The following CNTN3 variants were observed in gnomAD, a reference collection of about 807,000 sequenced individuals.
CNTN3 encodes the protein contactin-3.
In CNTN3, 60 loss-of-function variants were observed where a neutral mutation model predicts 119.1. The observed-to-expected ratio is 0.50, with a 90% confidence interval of 0.41 to 0.62. The LOEUF is 0.62. Among genes scored for constraint, CNTN3 ranks in the 20% least tolerant of loss-of-function variants. The probability of loss-of-function intolerance (pLI) is 0.00; values close to 1 mark genes in which losing one functional copy is unlikely to be tolerated. For missense variants in CNTN3, 1,101 were observed against 1,242.4 expected (o/e 0.89, Z 1.71); for synonymous variants, 450 against 438.7 (o/e 1.03, Z -0.32).
At chr3:74,566,729 A>C (rs1704231366) in intron 1 of CNTN3, among the ~76,000 whole-genome samples, 1 of 152,200 alleles carries the variant, frequency 6.6e-6, no homozygotes, top group Non-Finnish European at 1.5e-5. Context: ...ATAAGGTAAC[A>C]ATCACAGGTA....
intron 1 of CNTN3, among the ~76,000 whole-genome samples, chr3:74,561,961 A>T (rs578118709): frequency 6.6e-6 from 1 of 152,276 alleles, no homozygotes; most frequent in African/African-American, 2.4e-5. Flanking sequence ...GAAAGGTTGC[A>T]TTGGATTTAG....
intron 1 of CNTN3, among the ~76,000 whole-genome samples, chr3:74,596,613 C>T (rs967835772): frequency 6.6e-6 from 1 of 152,034 alleles, no homozygotes; most frequent in African/African-American, 2.4e-5. Flanking sequence ...ATAAATGGTG[C>T]TGGGAAAACT....
chr3:74,518,328 A>G (rs1703485427), intron 2 of CNTN3, among the ~76,000 whole-genome samples: 1 of 151,974 alleles, frequency 6.6e-6, no homozygotes, highest in Admixed American at 6.6e-5. Flanking sequence ...AAGCAATTCA[A>G]GATTTAGTCT....
In CNTN3 at chr3:74,614,499, G is replaced by A. The variant is rs1184597527; in HGVS notation, c.-189C>T. Among the ~76,000 whole-genome samples, 50 of 145,314 alleles carry A rather than the reference G, an allele frequency of 3.4e-4. No individual in the cohort carries two copies. In the East Asian group the frequency reaches 9.1e-3, roughly 26 times the overall value. On this transcript the variant is annotated 5_prime_UTR_variant, in exon 1 of 23. Coordinates refer to ENST00000263665, the MANE Select transcript of CNTN3 (RefSeq NM_020872.3). ...GCCGCAGTTAGTCCGGGCCCGGGGGGCCGCCGTGCGCGCCCGCGTAAGCCG... is the reference window on the plus strand; with the variant it reads ...GCCGCAGTTAGTCCGGGCCCGGGGGACCGCCGTGCGCGCCCGCGTAAGCCG...
chr3:74,346,424 AG>A (rs1289429123), intron 11 of CNTN3, among the ~76,000 whole-genome samples: 1 of 152,100 alleles, frequency 6.6e-6, no homozygotes, highest in East Asian at 1.9e-4. Flanking sequence ...AGACTCAAAA[AG>A]GGTCAGATAC....
chr3:74,542,171 G>C (rs1429893100), intron 1 of CNTN3, among the ~76,000 whole-genome samples: 2 of 152,110 alleles, frequency 1.3e-5, no homozygotes, highest in Non-Finnish European at 2.9e-5. Context: ...GGAGTAAAAG[G>C]TTGCAGTGAG....
chr3:74,486,905 A>G (rs549714504), intron 3 of CNTN3, among the ~76,000 whole-genome samples: 1 of 152,300 alleles, frequency 6.6e-6, no homozygotes, highest in African/African-American at 2.4e-5. Context: ...TTCACTGGGG[A>G]AAAATTAGGC....
Position 74,264,347 on chromosome 3 carries a change from C to A in CNTN3, c.*54G>T. ...GCATAATCACTGCATTTCATGAAAG[C>A]ACTTTTTTTGGTAACCAAATAACTT... On this transcript the variant is annotated 3_prime_UTR_variant, in exon 23 of 23. Transcript: ENST00000263665. 1.0e-6 allele frequency: 1 copy of A among 972,664 alleles called. No individual in the cohort carries two copies. The highest frequency in any genetic ancestry group is 1.4e-6 in the Non-Finnish European group (1 of 694,140). The allele number at this position is 972,664 out of a possible 1,614,324, so 60.3% of individuals were successfully genotyped here.
rs1465344644 is a variant in CNTN3, at chr3:74,586,368, GGACT to G, written c.-81+28019_-81+28022del. Among the ~76,000 whole-genome samples the G allele has an allele frequency of 2.0e-5, 3 of 152,026 alleles. No individual in the cohort carries two copies. The East Asian group carries it at 5.8e-4, about 29-fold the overall frequency. ...TTGTACCCTATAAACTTCTATACCT[GGACT>G]GACTAACAGAAACACTTCCCCTCAT... On this transcript the variant is annotated intron_variant, in intron 1 of 22. Transcript: ENST00000263665.
chr3:74,491,263 G>A (rs1702957629), intron 3 of CNTN3, among the ~76,000 whole-genome samples: 1 of 152,134 alleles, frequency 6.6e-6, no homozygotes, highest in African/African-American at 2.4e-5. Context: ...TACTTTGGGA[G>A]GCCAAGCTGG....
At chr3:74,379,678 G>T (rs371410545) in intron 5 of CNTN3, among the ~76,000 whole-genome samples, 10 of 151,950 alleles carry the variant, frequency 6.6e-5, no homozygotes, top group African/African-American at 2.4e-4. Context: ...AAGTTCTTTC[G>T]GTGGGACTGA....
chr3:74,535,618 G>A (rs1703753469), intron 1 of CNTN3, among the ~76,000 whole-genome samples: 1 of 152,090 alleles, frequency 6.6e-6, no homozygotes, highest in East Asian at 1.9e-4. Flanking sequence ...TCAGCCTTGA[G>A]GGCTGTCAAT....
intron 5 of CNTN3, among the ~76,000 whole-genome samples, chr3:74,404,975 T>C (rs1180092559): frequency 6.6e-6 from 1 of 151,772 alleles, no homozygotes; most frequent in Non-Finnish European, 1.5e-5. Context: ...TAAAAAAATC[T>C]CCATAGACCA....
chr3:74,572,681 T>C (rs567271420), intron 1 of CNTN3, among the ~76,000 whole-genome samples: 29 of 152,336 alleles, frequency 1.9e-4, no homozygotes, highest in African/African-American at 7.0e-4. Flanking sequence ...AACTTTTGGA[T>C]TTTATTAAAT....
At chr3:74,586,963 C>T (rs1704603428) in intron 1 of CNTN3, among the ~76,000 whole-genome samples, 1 of 152,056 alleles carries the variant, frequency 6.6e-6, no homozygotes, top group East Asian at 1.9e-4. Flanking sequence ...CTATGGTGAA[C>T]TGCCTCTCCC....
At chr3:74,479,041 G>C (rs550263118) in intron 4 of CNTN3, among the ~76,000 whole-genome samples, 3 of 152,056 alleles carry the variant, frequency 2.0e-5, no homozygotes, top group Admixed American at 1.3e-4. Flanking sequence ...ATCAAGAATA[G>C]AGATAAAAGT....
At chr3:74,446,139 T>C (rs1292749682) in intron 4 of CNTN3, among the ~76,000 whole-genome samples, 3 of 152,160 alleles carry the variant, frequency 2.0e-5, no homozygotes, top group Non-Finnish European at 2.9e-5. Context: ...GCTTAATAGT[T>C]GTGTAACTCT....
chr3:74,334,192 A>G (rs750630401), intron 13 of CNTN3, among the ~76,000 whole-genome samples: 20 of 152,208 alleles, frequency 1.3e-4, no homozygotes, highest in Non-Finnish European at 4.4e-5. Context: ...ACCGATCTGG[A>G]CTTGAAGTTC....
In CNTN3 at chr3:74,263,411, G is replaced by A. The variant is rs577523497; in HGVS notation, c.*990C>T. 53 of 152,050 alleles carry A rather than the reference G, an allele frequency of 3.5e-4. No homozygotes were observed. Among genetic ancestry groups the A allele is most frequent in the Non-Finnish European group, 1.6e-4 (11 of 67,948 alleles). The allele number at this position is 152,050 out of a possible 1,614,324, so 9.4% of individuals were successfully genotyped here. On this transcript the variant is annotated 3_prime_UTR_variant, in exon 23 of 23. Transcript: ENST00000263665. ...TGAAATGAGGGATTATGTGGATTTT[G>A]TTTAATATTTGGGTTGAGATTCAGG...
Sources: allele counts gnomAD v4.1 joint callset (sites outside exome capture counted in the v4.1 genomes callset), GRCh38; gene constraint gnomAD v4.1.1; transcripts MANE v1.5; gene names NCBI Gene and HGNC (gene_info 2026-07-23, HGNC 2026-07-21).